NPY: variants seen among roughly 807,000 people sequenced by gnomAD.
NPY encodes the protein neuropeptide Y.
In NPY, 11 loss-of-function variants were observed where a neutral mutation model predicts 13.2. That is an observed-to-expected ratio of 0.83 (90% CI 0.52 to 1.38). NPY has a LOEUF of 1.38. NPY is among the 40% of genes most tolerant of loss of function. NPY has a pLI of 0.00. For synonymous variants in NPY, 51 were observed against 55.6 expected (o/e 0.92, Z 0.37); for missense variants, 109 against 125.1 (o/e 0.87, Z 0.61).
At position 24,291,761 on chromosome 7, in the gene NPY, C is replaced by A; in HGVS notation, c.*74C>A. ...TTCATCGTGTAAAACGAGAATCCAC[C>A]CATCCTACCAATGCATGCAGCCACT... On this transcript the variant is annotated 3_prime_UTR_variant, in exon 4 of 4. Coordinates refer to ENST00000242152, the MANE Select transcript of NPY (RefSeq NM_000905.4). 6.5e-7 allele frequency: 1 copy of A among 1,546,494 alleles called. No individual in the cohort carries two copies. The highest frequency in any genetic ancestry group is 8.9e-7 in the Non-Finnish European group (1 of 1,119,240).
chr7:24,286,432 A>G (rs1787382457), intron 2 of NPY, among the ~76,000 whole-genome samples: 1 of 152,220 alleles, frequency 6.6e-6, no homozygotes, highest in Non-Finnish European at 1.5e-5. Context: ...CTTTAGAAGC[A>G]TTAATGTTAG....
At position 24,291,759 on chromosome 7, in the gene NPY, A is replaced by C. The variant is rs1583578384; in HGVS notation, c.*72A>C. On this transcript the variant is annotated 3_prime_UTR_variant, in exon 4 of 4. Transcript: ENST00000242152. ...ATTTCATCGTGTAAAACGAGAATCC[A>C]CCCATCCTACCAATGCATGCAGCCA... The C allele has an allele frequency of 2.6e-6, 4 of 1,556,966 alleles. No individual in the cohort carries two copies. The East Asian group carries it at 6.7e-5, about 26-fold the overall frequency.
intron 2 of NPY, among the ~76,000 whole-genome samples, chr7:24,286,090 T>C (rs1291102247): frequency 2.6e-5 from 4 of 152,226 alleles, no homozygotes; most frequent in Admixed American, 6.5e-5. Flanking sequence ...TTATAGCTGG[T>C]GAATTCTGAA....
rs559549040 is a variant in NPY, at chr7:24,291,698, G to T, written c.*11G>T. 1 of 1,614,134 alleles carries T rather than the reference G, an allele frequency of 6.2e-7. No individual in the cohort carries two copies. The highest frequency in any genetic ancestry group is 1.3e-5 in the African/African-American group (1 of 75,034). The stretch of plus-strand genomic sequence containing the variant: ...CCTGCAATGTGGTGATGGGAAATGA[G>T]ACTTGCTCTCTGGCCTTTTCCTATT... On this transcript the variant is annotated 3_prime_UTR_variant, in exon 4 of 4. Transcript: ENST00000242152.
intron 2 of NPY, among the ~76,000 whole-genome samples, chr7:24,287,733 C>T (rs371955407): frequency 2.6e-4 from 39 of 152,184 alleles, no homozygotes; most frequent in African/African-American, 8.2e-4. Flanking sequence ...TGCTAAATAT[C>T]CTACCATGCC....
chr7:24,288,136 T>C (rs1365641889), intron 2 of NPY, among the ~76,000 whole-genome samples: 4 of 152,194 alleles, frequency 2.6e-5, no homozygotes, highest in South Asian at 2.1e-4. Context: ...TACTGGTAAA[T>C]TGGATAAAAA....
At chr7:24,286,908 A>G (rs1787408671) in intron 2 of NPY, among the ~76,000 whole-genome samples, 1 of 152,226 alleles carries the variant, frequency 6.6e-6, no homozygotes, top group African/African-American at 2.4e-5. Context: ...ACACAGTAGA[A>G]CTCATTTTTC....
chr7:24,288,506 G>A (rs891893731), intron 2 of NPY, among the ~76,000 whole-genome samples: 2 of 152,068 alleles, frequency 1.3e-5, no homozygotes, highest in African/African-American at 4.8e-5. Flanking sequence ...TCTAAACAAA[G>A]TGGCGAATGG....
intron 2 of NPY, among the ~76,000 whole-genome samples, chr7:24,288,685 GAGAA>G (rs1787480600): frequency 1.4e-5 from 1 of 72,864 alleles, no homozygotes; most frequent in Admixed American, 1.9e-4. Flanking sequence ...CCTGCTACAG[GAGAA>G]AAAAAAAAAA....
chr7:24,285,470 T>G lies in NPY; in HGVS notation c.188+42T>G, dbSNP rs1367741607. 2 of 1,582,178 alleles carry G rather than the reference T, an allele frequency of 1.3e-6. No homozygotes were observed. Among genetic ancestry groups the G allele is most frequent in the Non-Finnish European group, 1.7e-6 (2 of 1,156,392 alleles). On this transcript the variant is annotated intron_variant, in intron 2 of 3. Transcript: ENST00000242152. The surrounding 1 kb of genome is among the most constrained non-coding windows in gnomAD (Gnocchi z 4.9). Reference sequence around the variant, plus strand: ...GACCGATTCCGGGAGCGCCAGTGCCTGCACACCAGGAGATCCTGGGGATGT... The same window carrying G: ...GACCGATTCCGGGAGCGCCAGTGCCGGCACACCAGGAGATCCTGGGGATGT...
intron 2 of NPY, among the ~76,000 whole-genome samples, chr7:24,289,215 G>C (rs1787505321): frequency 6.6e-6 from 1 of 152,072 alleles, no homozygotes; most frequent in South Asian, 2.1e-4. Flanking sequence ...ATTTGTGGTT[G>C]TTTAAGAAGG....
rs777914732 is a variant in NPY at position 24,285,464 on chromosome 7, AGT to A, written c.188+38_188+39del. 6.3e-7 allele frequency: 1 copy of A among 1,593,786 alleles called. No individual in the cohort carries two copies. Among genetic ancestry groups the A allele is most frequent in the East Asian group, 2.3e-5 (1 of 44,444 alleles). On this transcript the variant is annotated intron_variant, in intron 2 of 3. Transcript: ENST00000242152. This position sits in a 1 kb window ranked among gnomAD's most constrained non-coding sequence, Gnocchi z 4.9. ...CCGCGGGACCGATTCCGGGAGCGCC[AGT>A]GCCTGCACACCAGGAGATCCTGGGG...
Position 24,285,025 on chromosome 7 carries a change from C to T in NPY, c.1-216C>T. The T allele has an allele frequency of 1.7e-6, 1 of 590,248 alleles. No individual in the cohort carries two copies. The highest frequency in any genetic ancestry group is 2.0e-5 in the South Asian group (1 of 49,718). The allele number at this position is 590,248 out of a possible 1,614,324, so 36.6% of individuals were successfully genotyped here. On this transcript the variant is annotated intron_variant, in intron 1 of 3. Transcript: ENST00000242152. The surrounding 1 kb of genome is among the most constrained non-coding windows in gnomAD (Gnocchi z 4.9). Reference sequence around the variant, plus strand: ...TTCGAACGAAGTTGCGCGAAGTTTTCAGGTGGAGCAGAGGGGCAGGTCCCG... The same window carrying T: ...TTCGAACGAAGTTGCGCGAAGTTTTTAGGTGGAGCAGAGGGGCAGGTCCCG...
At chr7:24,290,768 T>TAAC (rs1787570035) in intron 3 of NPY, among the ~76,000 whole-genome samples, 1 of 68,706 alleles carries the variant, frequency 1.5e-5, no homozygotes, top group Non-Finnish European at 2.7e-5. Context: ...TAAATAATAA[T>TAAC]AATAATAATT....
At position 24,286,239 on chromosome 7, in the gene NPY, A is replaced by G. The variant is rs151088454; in HGVS notation, c.188+811A>G. 4.5e-3 allele frequency among the ~76,000 whole-genome samples: 686 copies of G among 152,360 alleles called. 5 individuals are homozygous for G. The highest frequency in any genetic ancestry group is 0.017 in the Middle Eastern group (5 of 294). On this transcript the variant is annotated intron_variant, in intron 2 of 3. Transcript: ENST00000242152. ...ATTCCGAAAGTCAAAATGAAATGCC[A>G]TATTTTCACTCTCAACATTGACAAT...
rs117428378 is a variant in NPY, at chr7:24,286,256, A to G, written c.188+828A>G. 2.1e-3 allele frequency among the ~76,000 whole-genome samples: 320 copies of G among 152,336 alleles called. 11 individuals carry two copies. In the East Asian group the frequency reaches 0.052, roughly 25 times the overall value. ...GAAATGCCATATTTTCACTCTCAAC[A>G]TTGACAATTAAGGGAAAAATCAAAT... On this transcript the variant is annotated intron_variant, in intron 2 of 3. Transcript: ENST00000242152.
rs548147410 is a variant in NPY at position 24,285,124 on chromosome 7, C to T, written c.1-117C>T. 5.7e-6 allele frequency: 6 copies of T among 1,055,370 alleles called. No homozygotes were observed. The highest frequency in any genetic ancestry group is 1.5e-5 in the African/African-American group (1 of 64,696). The allele number at this position is 1,055,370 out of a possible 1,614,324, so 65.4% of individuals were successfully genotyped here. On this transcript the variant is annotated intron_variant, in intron 1 of 3. Coordinates refer to ENST00000242152, the MANE Select transcript of NPY (RefSeq NM_000905.4). The surrounding 1 kb of genome is among the most constrained non-coding windows in gnomAD (Gnocchi z 4.9). ...TCTCTCTGCGGGACTGGGACGAGAG[C>T]GGATTGGGGGTCGCGTGTGGTAGCA...
intron 3 of NPY, 148 bp from the exon 4 acceptor site, chr7:24,291,515 C>A: frequency 2.4e-6 from 2 of 836,530 alleles, no homozygotes; most frequent in East Asian, 2.5e-5. Flanking sequence ...ATCTGATATT[C>A]CACATGGCTT....
At chr7:24,286,571 T>G (rs1280623264) in intron 2 of NPY, among the ~76,000 whole-genome samples, 1 of 152,184 alleles carries the variant, frequency 6.6e-6, no homozygotes, top group Non-Finnish European at 1.5e-5. Flanking sequence ...GATTTATACT[T>G]TTAAAATAAA....
Sources: allele counts gnomAD v4.1 joint callset (sites outside exome capture counted in the v4.1 genomes callset), GRCh38; gene constraint gnomAD v4.1.1; non-coding constraint Gnocchi (gnomAD v3.1); transcripts MANE v1.5; gene names NCBI Gene and HGNC (gene_info 2026-07-23, HGNC 2026-07-21).